Variants in ALX1 observed in about 807,000 individuals in gnomAD.
ALX1 encodes the protein ALX homeobox 1, also known as ALX homeobox protein 1.
ALX1 carries 19 observed loss-of-function variants against 31.7 expected under a neutral mutation model. That is an observed-to-expected ratio of 0.60 (90% CI 0.42 to 0.88). The LOEUF (loss-of-function observed/expected upper bound fraction) is 0.88. Among genes scored for constraint, ALX1 ranks in the 40% least tolerant of loss-of-function variants. The pLI is 0.00. For missense variants in ALX1, 415 were observed against 407.8 expected, an observed-to-expected ratio of 1.02 and a Z score of -0.15; for synonymous variants, 153 against 148.8, an observed-to-expected ratio of 1.03 and a Z score of -0.20.
chr12:85,295,038 T>A (rs1382368323), intron 3 of ALX1, among the ~76,000 whole-genome samples: 1 of 151,260 alleles, frequency 6.6e-6, no homozygotes, highest in Non-Finnish European at 1.5e-5. Flanking sequence ...GAAAATTAGA[T>A]CTAATGAGAA....
At chr12:85,299,986 T>G (rs1415164700) in intron 3 of ALX1, among the ~76,000 whole-genome samples, 1 of 152,022 alleles carries the variant, frequency 6.6e-6, no homozygotes, top group Non-Finnish European at 1.5e-5. Flanking sequence ...AAATGTATTA[T>G]AATAATGTTG....
intron 1 of ALX1, among the ~76,000 whole-genome samples, chr12:85,282,459 C>T (rs765451276): frequency 6.6e-6 from 1 of 151,122 alleles, no homozygotes; most frequent in Non-Finnish European, 1.5e-5. Context: ...AAGTTATATG[C>T]GCATTAAACT....
At chr12:85,301,087 C>T in intron 3 of ALX1, 68 bp from the exon 4 acceptor site, 1 of 1,579,578 alleles carries the variant, frequency 6.3e-7, no homozygotes, top group Non-Finnish European at 8.7e-7. Context: ...GTAAATACAA[C>T]TTAACAAAAG....
At position 85,287,066 on chromosome 12, in the gene ALX1, A is replaced by G; in HGVS notation, c.660+85A>G. ...AAATGGTTAGCATAGGCTTTATTAT[A>G]TGTAAGATAATAGCCAAGAATGAAA... On this transcript the variant is annotated intron_variant, in intron 3 of 3. Coordinates refer to ENST00000316824, the MANE Select transcript of ALX1 (RefSeq NM_006982.3). The G allele has an allele frequency of 2.1e-6, 3 of 1,430,392 alleles. No individual in the cohort carries two copies. In the Admixed American group the frequency reaches 5.3e-5, roughly 25 times the overall value. 88.6% of individuals were successfully genotyped at this position (1,430,392 alleles called of 1,614,324 possible).
intron 3 of ALX1, among the ~76,000 whole-genome samples, chr12:85,287,406 G>T (rs1248611298): frequency 1.3e-5 from 2 of 149,704 alleles, no homozygotes; most frequent in Non-Finnish European, 3.0e-5. Context: ...GTCAAATGTG[G>T]CCTATTAAGC....
At chr12:85,281,736 A>G (rs1157221684) in intron 1 of ALX1, among the ~76,000 whole-genome samples, 2 of 152,188 alleles carry the variant, frequency 1.3e-5, no homozygotes, top group African/African-American at 4.8e-5. Context: ...TCGAGCGTAT[A>G]CTTTTTGTTA....
At chr12:85,280,637 A>C (rs942967339) in intron 1 of ALX1, 150 bp downstream of exon 1, 1 of 891,578 alleles carries the variant, frequency 1.1e-6, no homozygotes, top group African/African-American at 1.7e-5. Context: ...TGCTCGCTTT[A>C]TGAAGCGGTG....
rs1308148913 is a variant in ALX1 at position 85,280,421 on chromosome 12, G to C, written c.160G>C (p.Gly54Arg). Residue 54 changes from glycine to arginine, a missense_variant, in exon 1 of 4, where the codon GGA (glycine) becomes CGA (arginine). Around this residue, in one of 3 missense-constraint regions of ALX1, gnomAD observed 235 missense variants for 208.9 expected, o/e 1.13. Transcript: ENST00000316824. ...TGCAGGCAAATGCGTGCAGGCCTTC[G>C]GACCCCTGCCCCGCGCCGAGCATCA... The part of the protein sequence containing the change: ...ASAGKCVQAF[G>R]PLPRAEHHVR... 2.5e-6 allele frequency: 4 copies of C among 1,612,882 alleles called. No homozygotes were observed. The highest frequency in any genetic ancestry group is 3.4e-6 in the Non-Finnish European group (4 of 1,180,032).
rs1395145091 is a variant in ALX1 at position 85,283,631 on chromosome 12, A to G, written c.286A>G (p.Met96Val). 15 of 1,614,046 alleles carry G rather than the reference A, an allele frequency of 9.3e-6. No homozygotes were observed. Among genetic ancestry groups the G allele is most frequent in the Admixed American group, 5.0e-5 (3 of 59,998 alleles). The change falls in exon 2 of 4, where the codon ATG becomes GTG. Residue 96 changes from methionine to valine, a missense_variant. This residue lies in a region of ALX1 where 235 missense variants were observed against 208.9 expected (regional missense o/e 1.13). Coordinates refer to ENST00000316824, the MANE Select transcript of ALX1 (RefSeq NM_006982.3). The part of the protein sequence containing the change: ...QPLHTELNRA[M>V]DNCNSLRMSP... The stretch of plus-strand genomic sequence containing the variant: ...CCTTCACACCGAACTGAATAGAGCT[A>G]TGGACAACTGTAACAGTCTCCGAAT...
intron 1 of ALX1, 106 bp from the exon 2 acceptor site, chr12:85,283,466 A>G: frequency 8.6e-7 from 1 of 1,163,156 alleles, no homozygotes; most frequent in South Asian, 1.3e-5. Flanking sequence ...ACAATAAATT[A>G]TTAATAGGCC....
chr12:85,292,176 GT>G (rs1460016192), intron 3 of ALX1, among the ~76,000 whole-genome samples: 1 of 150,888 alleles, frequency 6.6e-6, no homozygotes, highest in Non-Finnish European at 1.5e-5. Context: ...ATGTTGTAGC[GT>G]TTTAATTAAT....
chr12:85,283,793 G>C lies in ALX1; in HGVS notation c.448G>C (p.Val150Leu). ...TSLQLEELEK[V>L]FQKTHYPDVY... is the part of the protein sequence containing the mutation. ...TTTGCAGCTAGAGGAGCTGGAGAAA[G>C]TCTTTCAGAAAACTCATTACCCGGA... The change falls in exon 2 of 4, where the codon GTC (valine) becomes CTC (leucine). Residue 150 changes from valine (V) to leucine (L), a missense_variant. Val to Leu is a conservative substitution (Grantham distance 32). Coordinates refer to ENST00000316824, the MANE Select transcript of ALX1 (RefSeq NM_006982.3). 6.2e-7 allele frequency: 1 copy of C among 1,614,146 alleles called. No homozygotes were observed. The highest frequency in any genetic ancestry group is 1.3e-5 in the African/African-American group (1 of 75,042).
chr12:85,283,923 G>T (rs1896714476), intron 2 of ALX1, 47 bp downstream of exon 2: 3 of 1,592,924 alleles, frequency 1.9e-6, no homozygotes, highest in South Asian at 2.2e-5. Flanking sequence ...GAAAATAAAT[G>T]GTGTTAGAAT....
intron 3 of ALX1, among the ~76,000 whole-genome samples, chr12:85,297,928 T>G (rs1896910604): frequency 6.6e-6 from 1 of 151,682 alleles, no homozygotes; most frequent in East Asian, 1.9e-4. Context: ...TTTTGATATA[T>G]TAACATAAAT....
chr12:85,299,012 T>C (rs896509403), intron 3 of ALX1, among the ~76,000 whole-genome samples: 1 of 151,732 alleles, frequency 6.6e-6, no homozygotes, highest in Non-Finnish European at 1.5e-5. Context: ...GGTGAACATA[T>C]TTCTGTGCAT....
At chr12:85,289,260 A>C (rs1896786944) in intron 3 of ALX1, among the ~76,000 whole-genome samples, 1 of 151,224 alleles carries the variant, frequency 6.6e-6, no homozygotes, top group East Asian at 1.9e-4. Flanking sequence ...TCTGAATCTA[A>C]AACTTTATAC....
chr12:85,297,337 T>A (rs576778123), intron 3 of ALX1, among the ~76,000 whole-genome samples: 7 of 151,818 alleles, frequency 4.6e-5, no homozygotes, highest in Admixed American at 1.3e-4. Context: ...ATGATCTGAA[T>A]GATACAGTGT....
At chr12:85,283,992 A>C in intron 2 of ALX1, 116 bp downstream of exon 2, 1 of 1,173,806 alleles carries the variant, frequency 8.5e-7, no homozygotes, top group Non-Finnish European at 1.2e-6. Flanking sequence ...TGAAGATGAG[A>C]AACGGAGTAA....
At chr12:85,301,004 A>AT in intron 3 of ALX1, 151 bp from the exon 4 acceptor site, 1 of 742,720 alleles carries the variant, frequency 1.3e-6, no homozygotes, top group Non-Finnish European at 2.2e-6. Flanking sequence ...TCAAGTAATT[A>AT]TTTTTTAGTC....
Sources: gnomAD v4.1 joint callset for allele counts (sites outside exome capture counted in the v4.1 genomes callset) on GRCh38, gnomAD v4.1.1 for gene constraint, gnomAD v4.1.1 regional missense constraint, MANE v1.5 for transcripts, NCBI Gene and HGNC (gene_info 2026-07-23, HGNC 2026-07-21) for gene names.